Variants in UNC13C observed in about 807,000 individuals in gnomAD.
The protein encoded by UNC13C is protein unc-13 homolog C.
In UNC13C, 174 loss-of-function variants were observed where a neutral mutation model predicts 245.4. The ratio of observed to expected loss-of-function variants is 0.71; its 90% CI spans 0.63 to 0.80. The LOEUF is 0.80. Among genes scored for constraint, UNC13C ranks in the 30% least tolerant of loss-of-function variants. The probability of loss-of-function intolerance (pLI) is 0.00; values close to 1 mark genes in which losing one functional copy is unlikely to be tolerated. For missense variants in UNC13C, 2,829 were observed against 2,602.9 expected, an observed-to-expected ratio of 1.09 and a Z score of -1.89; for synonymous variants, 992 against 895.1, an observed-to-expected ratio of 1.11 and a Z score of -1.93.
intron 2 of UNC13C, among the ~76,000 whole-genome samples, chr15:54,038,469 A>T (rs892594423): frequency 6.6e-6 from 1 of 152,022 alleles, no homozygotes; most frequent in Admixed American, 6.6e-5. Context: ...AATATAGGAG[A>T]TGTTAGCAAT....
the UNC13C span, among the ~76,000 whole-genome samples, chr15:53,845,604 G>A: frequency 1.3e-5 from 2 of 152,104 alleles, no homozygotes; most frequent in Admixed American, 6.6e-5. Context: ...TGCTAAGCAC[G>A]GGTCTAGGGA....
Position 54,012,956 on chromosome 15 carries a change from G to A in UNC13C, c.53G>A (p.Cys18Tyr). Residue 18 changes from cysteine to tyrosine, a missense_variant, in exon 2 of 33, where the codon TGC becomes TAC. Cys to Tyr is a radical substitution (Grantham distance 194, BLOSUM62 -2). Transcript: ENST00000260323. ...ATTTTACCTTACATTCATAAGCTTT[G>A]CAAAGGAATGTTTACAAAGAAATTG... ...SLILPYIHKL[C>Y]KGMFTKKLGN... The A allele has an allele frequency of 6.2e-7, 1 of 1,613,362 alleles. No individual in the cohort carries two copies. Among genetic ancestry groups the A allele is most frequent in the East Asian group, 2.2e-5 (1 of 44,874 alleles).
chr15:54,402,763 G>A (rs1284536717), intron 18 of UNC13C, among the ~76,000 whole-genome samples: 1 of 152,148 alleles, frequency 6.6e-6, no homozygotes, highest in Non-Finnish European at 1.5e-5. Context: ...GAATCAAAAT[G>A]TAAGCAGCCC....
Position 54,250,455 on chromosome 15 carries a change from G to T in UNC13C, c.3448+11G>T. On this transcript the variant is annotated intron_variant, in intron 8 of 32. Coordinates refer to ENST00000260323, the MANE Select transcript of UNC13C (RefSeq NM_001080534.3). The stretch of plus-strand genomic sequence containing the variant: ...CTGACTGCTTGCAGAGTGAGTACTT[G>T]GTTTGGCTGAAAAAGTGGTATGCAG... The T allele has an allele frequency of 6.3e-7, 1 of 1,589,970 alleles. No homozygotes were observed.
At chr15:54,028,800 C>G (rs61272182) in intron 2 of UNC13C, among the ~76,000 whole-genome samples, 36,057 of 148,686 alleles carry the variant, frequency 0.24, 4,429 homozygotes, top group Middle Eastern at 0.3. Flanking sequence ...ACACTCTTCT[C>G]CTGCCTCAGC....
chr15:54,304,462 C>T (rs1210725196), intron 13 of UNC13C, among the ~76,000 whole-genome samples: 1 of 151,992 alleles, frequency 6.6e-6, no homozygotes, highest in Non-Finnish European at 1.5e-5. Flanking sequence ...ACAAGCCTAA[C>T]ATTTTTCCCA....
At chr15:53,923,842 C>T in the UNC13C span, among the ~76,000 whole-genome samples, 3 of 152,322 alleles carry the variant, frequency 2.0e-5, no homozygotes, top group South Asian at 2.1e-4. Context: ...GTTAATTCAC[C>T]GCAGATGAGC....
chr15:54,628,188 T>TA lies in UNC13C; in HGVS notation c.*1080dup, dbSNP rs1030217065. 6.6e-6 allele frequency: 1 copy of TA among 152,094 alleles called. No individual in the cohort carries two copies. The highest frequency in any genetic ancestry group is 2.4e-5 in the African/African-American group (1 of 41,412). 9.4% of individuals were successfully genotyped at this position (152,094 alleles called of 1,614,324 possible). On this transcript the variant is annotated 3_prime_UTR_variant, in exon 33 of 33. Coordinates refer to ENST00000260323, the MANE Select transcript of UNC13C (RefSeq NM_001080534.3). ...GAACAATGTAATACAGCTTGGTACC[T>TA]AAAAATATAGCTAAGTTGGTTTTTG...
the UNC13C span, among the ~76,000 whole-genome samples, chr15:53,849,345 C>A: frequency 6.6e-6 from 1 of 151,866 alleles, no homozygotes; most frequent in East Asian, 1.9e-4. Context: ...TGTCCACTAT[C>A]AATGTATTAT....
intron 1 of UNC13C, among the ~76,000 whole-genome samples, chr15:53,993,507 C>A (rs896083460): frequency 6.6e-6 from 1 of 151,974 alleles, no homozygotes; most frequent in Non-Finnish European, 1.5e-5. Flanking sequence ...TATGGCTGTG[C>A]CACATCATGT....
In UNC13C at chr15:54,435,820, A is replaced by G. The variant is rs139495386; in HGVS notation, c.4933+20753A>G. On this transcript the variant is annotated intron_variant, in intron 19 of 32. Coordinates refer to ENST00000260323, the MANE Select transcript of UNC13C (RefSeq NM_001080534.3). ...TACAGAATGGGAGAAAACTTTTGCA[A>G]TCTATCCATCTGACAAAGGGCTAAT... Among the ~76,000 whole-genome samples the G allele has an allele frequency of 6.1e-3, 932 of 151,962 alleles. 5 individuals carry two copies. Among genetic ancestry groups the G allele is most frequent in the Non-Finnish European group, 9.4e-3 (640 of 67,926 alleles).
chr15:54,140,747 G>C (rs1409227065), intron 2 of UNC13C, among the ~76,000 whole-genome samples: 1 of 152,198 alleles, frequency 6.6e-6, no homozygotes, highest in Non-Finnish European at 1.5e-5. Context: ...ATGTGAATGA[G>C]ATATAATGAG....
rs187434116 is a variant in UNC13C at position 54,346,806 on chromosome 15, A to G, written c.4713+8317A>G. On this transcript the variant is annotated intron_variant, in intron 17 of 32. Transcript: ENST00000260323. ...GAGGTCACTGGACTCACAGAGAGGT[A>G]CACAAAAGATCAATCTATAAACTGG... Among the ~76,000 whole-genome samples, 6 of 152,336 alleles carry G rather than the reference A, an allele frequency of 3.9e-5. No individual in the cohort carries two copies. The East Asian group carries it at 9.7e-4, about 25-fold the overall frequency.
intron 19 of UNC13C, among the ~76,000 whole-genome samples, chr15:54,473,095 A>G (rs574224014): frequency 6.5e-4 from 98 of 151,924 alleles, no homozygotes; most frequent in Non-Finnish European, 7.4e-5. Flanking sequence ...AGCTCCCACT[A>G]AAAGTGAGAA....
intron 32 of UNC13C, 85 bp from the exon 33 acceptor site, chr15:54,626,743 C>T: frequency 1.7e-6 from 2 of 1,166,304 alleles, no homozygotes; most frequent in Non-Finnish European, 2.4e-6. Flanking sequence ...CCAATGTATA[C>T]AGTTTTCAGC....
the UNC13C span, among the ~76,000 whole-genome samples, chr15:53,923,053 T>G: frequency 2.6e-5 from 4 of 152,222 alleles, no homozygotes; most frequent in African/African-American, 9.6e-5. Flanking sequence ...CCATGGGAAT[T>G]AATGTATTCA....
intron 4 of UNC13C, among the ~76,000 whole-genome samples, chr15:54,173,694 T>G (rs1595947173): frequency 6.6e-6 from 1 of 152,092 alleles, no homozygotes; most frequent in Non-Finnish European, 1.5e-5. Context: ...AGTGTATGGG[T>G]TTTACTGTTT....
chr15:53,853,127 A>G, the UNC13C span, among the ~76,000 whole-genome samples: 1 of 152,078 alleles, frequency 6.6e-6, no homozygotes, highest in African/African-American at 2.4e-5. Context: ...TCATCTAGGT[A>G]TTAAGCCCAG....
the UNC13C span, among the ~76,000 whole-genome samples, chr15:53,971,215 AC>A: frequency 6.6e-6 from 1 of 152,214 alleles, no homozygotes; most frequent in African/African-American, 2.4e-5. Flanking sequence ...AGCCTCTTCA[AC>A]AAATAATGTT....
Sources: allele counts gnomAD v4.1 joint callset (sites outside exome capture counted in the v4.1 genomes callset), GRCh38; gene constraint gnomAD v4.1.1; transcripts MANE v1.5; gene names NCBI Gene and HGNC (gene_info 2026-07-23, HGNC 2026-07-21).